Variants in KIAA1328 observed in about 807,000 individuals in gnomAD.
KIAA1328 encodes the protein protein hinderin.
KIAA1328 carries 52 observed loss-of-function variants against 68.1 expected under a neutral mutation model. The ratio of observed to expected loss-of-function variants is 0.76; its 90% CI spans 0.61 to 0.96. KIAA1328 has a LOEUF of 0.96. KIAA1328 is among the 40% of genes least tolerant of loss of function. The pLI, the probability that KIAA1328 is intolerant of heterozygous loss-of-function variation, is 0.00. For missense variants in KIAA1328, 641 were observed against 677.6 expected, an observed-to-expected ratio of 0.95 and a Z score of 0.60; for synonymous variants, 232 against 239.4, an observed-to-expected ratio of 0.97 and a Z score of 0.28.
intron 4 of KIAA1328, among the ~76,000 whole-genome samples, chr18:36,874,315 G>C (rs2048047712): frequency 1.3e-5 from 2 of 152,194 alleles, no homozygotes; most frequent in African/African-American, 4.8e-5. Context: ...TGGTGTAAAA[G>C]TGTTCCTGTT....
intron 4 of KIAA1328, among the ~76,000 whole-genome samples, chr18:36,878,822 T>C (rs897467227): frequency 6.6e-6 from 1 of 152,266 alleles, no homozygotes; most frequent in African/African-American, 2.4e-5. Context: ...TTGATACTTG[T>C]GTATGCTTCA....
intron 3 of KIAA1328, 47 bp from the exon 4 acceptor site, chr18:36,844,161 T>C: frequency 7.5e-7 from 1 of 1,333,230 alleles, no homozygotes; most frequent in African/African-American, 1.5e-5. Flanking sequence ...GAAAAGACTT[T>C]AAAAATTGGT....
chr18:37,026,404 G>A (rs540127111), intron 6 of KIAA1328, among the ~76,000 whole-genome samples: 5 of 152,170 alleles, frequency 3.3e-5, no homozygotes, highest in African/African-American at 1.2e-4. Context: ...ACCAAAGCCT[G>A]GCAGAGACAC....
chr18:37,157,734 G>C (rs773662018), intron 7 of KIAA1328, among the ~76,000 whole-genome samples: 5 of 144,782 alleles, frequency 3.5e-5, no homozygotes, highest in Non-Finnish European at 7.5e-5. Flanking sequence ...ACTTGACCTG[G>C]AAGGTGGAGG....
intron 7 of KIAA1328, among the ~76,000 whole-genome samples, chr18:37,118,316 C>G (rs373248665): frequency 1.3e-5 from 2 of 152,126 alleles, no homozygotes; most frequent in East Asian, 3.9e-4. Context: ...TCTTTCACTA[C>G]CTATTTCATA....
intron 3 of KIAA1328, among the ~76,000 whole-genome samples, chr18:36,843,788 G>A (rs560112935): frequency 3.0e-4 from 45 of 152,242 alleles, no homozygotes; most frequent in African/African-American, 9.9e-4. Flanking sequence ...AGTACTCTTT[G>A]GGATGAACCT....
intron 9 of KIAA1328, among the ~76,000 whole-genome samples, chr18:37,216,025 T>C (rs1379988153): frequency 1.3e-5 from 2 of 152,222 alleles, no homozygotes; most frequent in Non-Finnish European, 2.9e-5. Flanking sequence ...CGCATCTCTT[T>C]GACTCTTCTC....
At chr18:37,168,523 G>A (rs1476288255) in intron 8 of KIAA1328, among the ~76,000 whole-genome samples, 1 of 152,120 alleles carries the variant, frequency 6.6e-6, no homozygotes, top group African/African-American at 2.4e-5. Flanking sequence ...ATACTACTTA[G>A]CAAAGAAAAC....
At chr18:36,899,836 C>G (rs532184644) in intron 5 of KIAA1328, among the ~76,000 whole-genome samples, 8 of 152,014 alleles carry the variant, frequency 5.3e-5, no homozygotes, top group African/African-American at 1.7e-4. Flanking sequence ...CTGTAAGGTG[C>G]TAGCTAAATT....
intron 6 of KIAA1328, among the ~76,000 whole-genome samples, chr18:36,961,954 C>A (rs944033630): frequency 1.6e-4 from 24 of 152,226 alleles, no homozygotes; most frequent in South Asian, 8.3e-4. Flanking sequence ...GGATCAAATT[C>A]CACATAACAA....
chr18:37,133,792 G>T (rs538688378), intron 7 of KIAA1328, among the ~76,000 whole-genome samples: 3 of 152,162 alleles, frequency 2.0e-5, no homozygotes, highest in South Asian at 4.2e-4. Flanking sequence ...CCAAAGTGCT[G>T]TGATTATAGG....
chr18:37,220,076 T>C (rs1423754962), intron 9 of KIAA1328, among the ~76,000 whole-genome samples: 2 of 152,262 alleles, frequency 1.3e-5, no homozygotes, highest in Non-Finnish European at 2.9e-5. Context: ...TTTGCATAGA[T>C]TTCTAATAAA....
At chr18:36,967,618 C>T (rs1329608675) in intron 6 of KIAA1328, among the ~76,000 whole-genome samples, 1 of 152,194 alleles carries the variant, frequency 6.6e-6, no homozygotes, top group Non-Finnish European at 1.5e-5. Context: ...GAACATTTCC[C>T]ACCAAAGGAC....
chr18:37,103,060 C>T (rs2057669768), intron 7 of KIAA1328, among the ~76,000 whole-genome samples: 1 of 152,110 alleles, frequency 6.6e-6, no homozygotes, highest in Non-Finnish European at 1.5e-5. Flanking sequence ...GGGAAGATGT[C>T]CATGCTCACG....
intron 4 of KIAA1328, among the ~76,000 whole-genome samples, chr18:36,853,785 C>T (rs866137278): frequency 1.5e-4 from 23 of 152,130 alleles, no homozygotes; most frequent in African/African-American, 4.8e-4. Flanking sequence ...CAGCCTCCCG[C>T]GTAGCTGTTA....
intron 3 of KIAA1328, among the ~76,000 whole-genome samples, chr18:36,839,115 A>C (rs2046775486): frequency 1.3e-5 from 2 of 152,104 alleles, no homozygotes; most frequent in African/African-American, 4.8e-5. Context: ...GTTTTCATCA[A>C]ATTGGGAAAT....
At chr18:37,055,196 T>G (rs750137910) in intron 6 of KIAA1328, among the ~76,000 whole-genome samples, 1 of 152,192 alleles carries the variant, frequency 6.6e-6, no homozygotes, top group Non-Finnish European at 1.5e-5. Context: ...TAGATCTAAC[T>G]TGTTTACTGC....
At chr18:37,180,870 G>A (rs373230698) in intron 9 of KIAA1328, among the ~76,000 whole-genome samples, 1 of 152,104 alleles carries the variant, frequency 6.6e-6, no homozygotes, top group African/African-American at 2.4e-5. Flanking sequence ...ATGACCCTAT[G>A]TGATGATGGT....
intron 5 of KIAA1328, among the ~76,000 whole-genome samples, chr18:36,949,112 C>T (rs1404168303): frequency 2.0e-5 from 3 of 152,132 alleles, no homozygotes; most frequent in Non-Finnish European, 2.9e-5. Flanking sequence ...GGTATGATGG[C>T]AGCTTTTTTT....
Sources: gnomAD v4.1 joint callset for allele counts (sites outside exome capture counted in the v4.1 genomes callset) on GRCh38, gnomAD v4.1.1 for gene constraint, MANE v1.5 for transcripts, NCBI Gene and HGNC (gene_info 2026-07-23, HGNC 2026-07-21) for gene names.